SPTAN1: variants seen among roughly 807,000 people sequenced by gnomAD.
The protein encoded by SPTAN1 is spectrin alpha, non-erythrocytic 1.
SPTAN1 carries 61 observed loss-of-function variants against 331.3 expected under a neutral mutation model. The observed-to-expected ratio is 0.18, with a 90% CI of 0.15 to 0.23. The LOEUF is 0.23. Ranked by LOEUF, SPTAN1 falls within the 10% of genes least tolerant of loss-of-function variation. The pLI, the probability that SPTAN1 is intolerant of heterozygous loss-of-function variation, is 1.00. For missense variants in SPTAN1, 2,043 were observed against 3,147.9 expected (o/e 0.65, Z 8.40); for synonymous variants, 1,153 against 1,173.9 (o/e 0.98, Z 0.36).
At chr9:128,619,772 T>A (rs920110879) in intron 44 of SPTAN1, among the ~76,000 whole-genome samples, 2 of 152,194 alleles carry the variant, frequency 1.3e-5, no homozygotes, top group Non-Finnish European at 1.5e-5. Context: ...CATCACATAC[T>A]CCCTAAATTG....
intron 52 of SPTAN1, among the ~76,000 whole-genome samples, chr9:128,631,113 G>A (rs1859646784): frequency 6.6e-6 from 1 of 152,204 alleles, no homozygotes. Context: ...CCAAAGTGCT[G>A]GGATTACAAG....
rs1851477602 is a variant in SPTAN1, at chr9:128,577,803, C to A, written c.1085+297C>A. 6.6e-6 allele frequency among the ~76,000 whole-genome samples: 1 copy of A among 152,092 alleles called. No individual in the cohort carries two copies. Among genetic ancestry groups the A allele is most frequent in the African/African-American group, 2.4e-5 (1 of 41,404 alleles). ...TATCACATGAAATATCTTATTAAAA[C>A]CAGGATTAGAAAGGAAAAGAATCCT... On this transcript the variant is annotated intron_variant, in intron 8 of 56. Coordinates refer to ENST00000372739, the MANE Select transcript of SPTAN1 (RefSeq NM_001130438.3). The surrounding 1 kb of genome is among the most constrained non-coding windows in gnomAD (Gnocchi z 4.2).
At chr9:128,594,804 C>CTTTTTTTTTTTTTTTTTTTTTATTTTT (rs10594067) in intron 24 of SPTAN1, among the ~76,000 whole-genome samples, 1 of 90,562 alleles carries the variant, frequency 1.1e-5, no homozygotes, top group Non-Finnish European at 2.2e-5. Flanking sequence ...ATGTATGTAG[C>CTTTTTTTTTTTTTTTTTTTTTATTTTT]TTTTTTTTTT....
rs771825373 is a variant in SPTAN1, at chr9:128,632,428, C to T, written c.6960-3C>T. 3.7e-6 allele frequency: 6 copies of T among 1,614,132 alleles called. No homozygotes were observed. The highest frequency in any genetic ancestry group is 5.1e-6 in the Non-Finnish European group (6 of 1,180,016). On this transcript the variant is annotated splice_polypyrimidine_tract_variant and splice_region_variant and intron_variant, in intron 53 of 56. Coordinates refer to ENST00000372739, the MANE Select transcript of SPTAN1 (RefSeq NM_001130438.3). ...TGTTCCCTAATTTCTGTTTTTCTTC[C>T]AGGAACACAACAGGTGTGACTGAGG...
At chr9:128,588,966 GTGTT>G (rs760603381) in intron 21 of SPTAN1, 23 bp downstream of exon 21, 3 of 1,613,322 alleles carry the variant, frequency 1.9e-6, no homozygotes, top group South Asian at 2.2e-5. Context: ...GAGTGGCTGT[GTGTT>G]TGTTCCACGC....
At chr9:128,621,388 TC>T (rs1175674857) in intron 45 of SPTAN1, 132 bp downstream of exon 45, 2 of 746,386 alleles carry the variant, frequency 2.7e-6, no homozygotes, top group African/African-American at 3.5e-5. Context: ...CAGCAGCAAT[TC>T]CATTCCTGTG....
chr9:128,555,271 A>G (rs1848499255), intron 1 of SPTAN1: 1 of 1,029,804 alleles, frequency 9.7e-7, no homozygotes, highest in Non-Finnish European at 1.3e-6. Flanking sequence ...ATATTTTTTA[A>G]ATAATCTGTT....
chr9:128,581,438 A>G (rs1038070859), intron 11 of SPTAN1, among the ~76,000 whole-genome samples: 2 of 146,522 alleles, frequency 1.4e-5, no homozygotes, highest in Non-Finnish European at 3.0e-5. Context: ...GTACCACCGC[A>G]CTCTAGCCTG....
chr9:128,633,538 G>A lies in SPTAN1; in HGVS notation c.*204G>A, dbSNP rs1860183278. On this transcript the variant is annotated 3_prime_UTR_variant, in exon 57 of 57. Transcript: ENST00000372739. ...CTGTGGGGACCCAGATCTGTGTCTTGAAGCAGCTGCCCTCATTCCGACTTC... is the reference window on the plus strand; with the variant it reads ...CTGTGGGGACCCAGATCTGTGTCTTAAAGCAGCTGCCCTCATTCCGACTTC... 2 of 1,096,044 alleles carry A rather than the reference G, an allele frequency of 1.8e-6. No individual in the cohort carries two copies. Among genetic ancestry groups the A allele is most frequent in the African/African-American group, 1.5e-5 (1 of 64,830 alleles). The allele number at this position is 1,096,044 out of a possible 1,614,324, so 67.9% of individuals were successfully genotyped here. A position where few individuals can be genotyped will look rare whatever the true frequency, so the allele number is the denominator to read the frequency against.
chr9:128,621,241 A>G lies in SPTAN1; in HGVS notation c.5817A>G (p.Gln1939=), dbSNP rs578124150. 35 of 1,613,552 alleles carry G rather than the reference A, an allele frequency of 2.2e-5. No homozygotes were observed. In the South Asian group the frequency reaches 3.4e-4, roughly 16 times the overall value. The change falls in exon 45 of 57, where the codon CAA becomes CAG. Residue 1939 remains glutamine, a synonymous_variant. Coordinates refer to ENST00000372739, the MANE Select transcript of SPTAN1 (RefSeq NM_001130438.3). The part of the protein sequence containing the change: ...DRVNDVCTNG[Q]DLIKKNNHHE... Reference sequence around the variant, plus strand: ...TGAATGATGTCTGCACCAATGGACAAGACCTCATTAAGAAGGTGAGTCCAG... The same window carrying G: ...TGAATGATGTCTGCACCAATGGACAGGACCTCATTAAGAAGGTGAGTCCAG...
At chr9:128,575,442 G>C (rs1851194170) in intron 5 of SPTAN1, 97 bp downstream of exon 5, 2 of 1,384,336 alleles carry the variant, frequency 1.4e-6, no homozygotes, top group Non-Finnish European at 2.0e-6. Context: ...CCTAATTTCT[G>C]AGTGAGCAAG....
At chr9:128,562,343 C>T (rs1849472664) in intron 1 of SPTAN1, among the ~76,000 whole-genome samples, 2 of 152,100 alleles carry the variant, frequency 1.3e-5, no homozygotes, top group Admixed American at 1.3e-4. Context: ...CCTTGTGATC[C>T]ACCTGCCTCG....
rs778521010 is a variant in SPTAN1 at position 128,627,204 on chromosome 9, G to A, written c.6577-182G>A. On this transcript the variant is annotated intron_variant, in intron 49 of 56. Transcript: ENST00000372739. This position sits in a 1 kb window ranked among gnomAD's most constrained non-coding sequence, Gnocchi z 4.9. ...CGCCTCTTCCTTGAAGCCCCTGGGG[G>A]GTGGGAACAGAGAAAGAACTACCAA... is the stretch of plus-strand genomic sequence containing the variant. 1 of 652,874 alleles carries A rather than the reference G, an allele frequency of 1.5e-6. No homozygotes were observed. The highest frequency in any genetic ancestry group is 1.7e-5 in the South Asian group (1 of 59,180). The allele number at this position is 652,874 out of a possible 1,614,324, so 40.4% of individuals were successfully genotyped here. A position where few individuals can be genotyped will look rare whatever the true frequency, so the allele number is the denominator to read the frequency against.
chr9:128,562,470 T>A (rs949362898), intron 1 of SPTAN1, among the ~76,000 whole-genome samples: 1 of 152,132 alleles, frequency 6.6e-6, no homozygotes, highest in Non-Finnish European at 1.5e-5. Context: ...GAAAGGGAAC[T>A]TTTTGAGCTT....
At chr9:128,562,610 T>A (rs1397847681) in intron 1 of SPTAN1, among the ~76,000 whole-genome samples, 1 of 152,170 alleles carries the variant, frequency 6.6e-6, no homozygotes, top group Non-Finnish European at 1.5e-5. Context: ...GTGATTATAG[T>A]GATCCTTGTC....
chr9:128,623,201 T>C (rs1159875553), intron 45 of SPTAN1, among the ~76,000 whole-genome samples: 4 of 151,198 alleles, frequency 2.6e-5, no homozygotes, highest in African/African-American at 7.3e-5. Flanking sequence ...GGACCACAGG[T>C]GGGTGTCAAC....
chr9:128,584,595 A>G (rs1365771489), intron 17 of SPTAN1, 70 bp downstream of exon 17: 8 of 1,613,936 alleles, frequency 5.0e-6, no homozygotes, highest in South Asian at 2.2e-5. Flanking sequence ...AAGGGGATGC[A>G]TGTCAGGATG....
intron 37 of SPTAN1, 81 bp downstream of exon 37, chr9:128,609,746 T>C: frequency 1.0e-6 from 1 of 952,626 alleles, no homozygotes; most frequent in Non-Finnish European, 1.5e-6. Context: ...TTGTTATTAT[T>C]GTGGTCACAC....
At position 128,612,270 on chromosome 9, in the gene SPTAN1, C is replaced by T. The variant is rs750201178; in HGVS notation, c.5043+24C>T. The T allele has an allele frequency of 5.0e-6, 8 of 1,613,990 alleles. No individual in the cohort carries two copies. In the African/African-American group the frequency reaches 1.1e-4, roughly 22 times the overall value. On this transcript the variant is annotated intron_variant, in intron 39 of 56. Coordinates refer to ENST00000372739, the MANE Select transcript of SPTAN1 (RefSeq NM_001130438.3). The stretch of plus-strand genomic sequence containing the variant: ...AGGTAACACTGAGTGGTTCCTCTTC[C>T]TACCAGTGGGGGATTTCTAGTCATT...
Sources: gnomAD v4.1 joint callset for allele counts (sites outside exome capture counted in the v4.1 genomes callset) on GRCh38, gnomAD v4.1.1 for gene constraint, Gnocchi (gnomAD v3.1) non-coding constraint, MANE v1.5 for transcripts, NCBI Gene and HGNC (gene_info 2026-07-23, HGNC 2026-07-21) for gene names.